The following TOLLIP variants were observed in gnomAD, a reference collection of about 807,000 sequenced individuals.
The protein encoded by TOLLIP is toll-interacting protein.
TOLLIP carries 16 observed loss-of-function variants against 33.5 expected under a neutral mutation model. The observed-to-expected ratio is 0.48, with a 90% CI of 0.32 to 0.72. The LOEUF (loss-of-function observed/expected upper bound fraction) is 0.72, where lower values mean the gene tolerates loss of function less well. TOLLIP is among the 30% of genes least tolerant of loss of function. TOLLIP has a pLI of 0.03. For missense variants in TOLLIP, 325 were observed against 396.6 expected (o/e 0.82, Z 1.53); for synonymous variants, 176 against 163.7 (o/e 1.07, Z -0.57).
At chr11:1,279,244 T>G (rs1005367085) in intron 5 of TOLLIP, among the ~76,000 whole-genome samples, 8 of 152,200 alleles carry the variant, frequency 5.3e-5, no homozygotes, top group Non-Finnish European at 1.0e-4. Flanking sequence ...CACACTCACT[T>G]GGGGAGCAGG....
At chr11:1,297,983 C>G (rs894611288) in intron 1 of TOLLIP, among the ~76,000 whole-genome samples, 2 of 152,238 alleles carry the variant, frequency 1.3e-5, no homozygotes, top group Non-Finnish European at 2.9e-5. Context: ...GAGCTCTCTC[C>G]CCGGGGGACA....
At chr11:1,293,484 C>T (rs772148346) in intron 2 of TOLLIP, among the ~76,000 whole-genome samples, 49 of 152,174 alleles carry the variant, frequency 3.2e-4, no homozygotes, top group African/African-American at 1.0e-3. Context: ...GGGGAAGCAG[C>T]GAGGGGACGC....
At position 1,278,238 on chromosome 11, in the gene TOLLIP, G is replaced by A. The variant is rs1397407474; in HGVS notation, c.611-985C>T. On this transcript the variant is annotated intron_variant, in intron 5 of 5. Coordinates refer to ENST00000317204, the MANE Select transcript of TOLLIP (RefSeq NM_019009.4). This position sits in a 1 kb window ranked among gnomAD's most constrained non-coding sequence, Gnocchi z 4.7. ...AGCACAGGCAGCGTGCGCGGGGCTC[G>A]GCGACCAGCGAGGCACAGAGCTCCT... is the stretch of plus-strand genomic sequence containing the variant. 3.9e-5 allele frequency among the ~76,000 whole-genome samples: 6 copies of A among 151,910 alleles called. No individual in the cohort carries two copies. Among genetic ancestry groups the A allele is most frequent in the Non-Finnish European group, 4.4e-5 (3 of 67,970 alleles).
At chr11:1,291,660 C>T (rs1014957890) in intron 2 of TOLLIP, among the ~76,000 whole-genome samples, 3 of 151,192 alleles carry the variant, frequency 2.0e-5, no homozygotes, top group Non-Finnish European at 4.4e-5. Context: ...CACGGCCGCC[C>T]CGTCCTCGCT....
intron 1 of TOLLIP, chr11:1,298,384 G>A (rs1422946015): frequency 2.0e-5 from 3 of 152,292 alleles, no homozygotes; most frequent in Non-Finnish European, 4.4e-5. Flanking sequence ...AAGCCAGTCG[G>A]GGGAGGGTGT....
chr11:1,299,032 C>A (rs1195289164), intron 1 of TOLLIP, among the ~76,000 whole-genome samples: 3 of 152,340 alleles, frequency 2.0e-5, no homozygotes, highest in Non-Finnish European at 2.9e-5. Context: ...CCAAATAAAA[C>A]CTGGAGCCAA....
At chr11:1,288,507 C>T in intron 4 of TOLLIP, 117 bp downstream of exon 4, 1 of 1,281,040 alleles carries the variant, frequency 7.8e-7, no homozygotes, top group Non-Finnish European at 1.1e-6. Flanking sequence ...GTGAGCCCTG[C>T]TGTTTTATGG....
At position 1,291,833 on chromosome 11, in the gene TOLLIP, G is replaced by A. The variant is rs562959840; in HGVS notation, c.184-1424C>T. ...CCGTCCTCACCGACCCACCTCTGAG[G>A]GCACGGCCGCCCCGTCCTCACCGAC... is the stretch of plus-strand genomic sequence containing the variant. On this transcript the variant is annotated intron_variant, in intron 2 of 5. Transcript: ENST00000317204. 1.6e-3 allele frequency: 253 copies of A among 158,180 alleles called. 4 individuals are homozygous for A. The highest frequency in any genetic ancestry group is 6.1e-3 in the African/African-American group (242 of 39,946). 9.8% of individuals were successfully genotyped at this position (158,180 alleles called of 1,614,324 possible).
intron 5 of TOLLIP, among the ~76,000 whole-genome samples, chr11:1,279,607 G>A (rs1863430059): frequency 6.6e-6 from 1 of 152,186 alleles, no homozygotes; most frequent in South Asian, 2.1e-4. Flanking sequence ...CATCTGCCGC[G>A]CTCAGCCCCA....
rs1311470088 is a variant in TOLLIP at position 1,276,698 on chromosome 11, G to A, written c.*341C>T. ...AATGCCATGAATGGAATCGGAAGGCGCTCCACCACCTCCAACACCCTGGCA... is the reference window on the plus strand; with the variant it reads ...AATGCCATGAATGGAATCGGAAGGCACTCCACCACCTCCAACACCCTGGCA... On this transcript the variant is annotated 3_prime_UTR_variant, in exon 6 of 6. Coordinates refer to ENST00000317204, the MANE Select transcript of TOLLIP (RefSeq NM_019009.4). 13 of 1,409,774 alleles carry A rather than the reference G, an allele frequency of 9.2e-6. No homozygotes were observed. Among genetic ancestry groups the A allele is most frequent in the Admixed American group, 4.3e-5 (2 of 46,968 alleles). 87.3% of individuals were successfully genotyped at this position (1,409,774 alleles called of 1,614,324 possible). A position where few individuals can be genotyped will look rare whatever the true frequency, so the allele number is the denominator to read the frequency against.
At position 1,292,013 on chromosome 11, in the gene TOLLIP, G is replaced by A. The variant is rs117595658; in HGVS notation, c.184-1604C>T. On this transcript the variant is annotated intron_variant, in intron 2 of 5. Coordinates refer to ENST00000317204, the MANE Select transcript of TOLLIP (RefSeq NM_019009.4). ...TTCACTTCTAATCAAAGCTGTGGCC[G>A]GTCCTTTTAGGTCAAAACTGCCCCA... The A allele has an allele frequency of 5.7e-3, 875 of 152,426 alleles. 2 individuals carry two copies. The highest frequency in any genetic ancestry group is 9.7e-3 in the Non-Finnish European group (661 of 68,090). 9.4% of individuals were successfully genotyped at this position (152,426 alleles called of 1,614,324 possible). A position where few individuals can be genotyped will look rare whatever the true frequency, so the allele number is the denominator to read the frequency against.
chr11:1,295,759 G>A lies in TOLLIP; in HGVS notation c.69C>T (p.Arg23=), dbSNP rs1354562027. Residue 23 remains arginine (R), a synonymous_variant, in exon 2 of 6, where the codon CGC becomes CGT. Coordinates refer to ENST00000317204, the MANE Select transcript of TOLLIP (RefSeq NM_019009.4). ...YIGELPQDFL[R]ITPTQQQRQV... is the part of the protein sequence containing the mutation. ...GCCGCTGCTGCTGTGTGGGCGTGAT[G>A]CGGAGGAAGTCCTGCGGGAGCTCAC... is the stretch of plus-strand genomic sequence containing the variant. 1.2e-6 allele frequency: 2 copies of A among 1,600,286 alleles called. No individual in the cohort carries two copies. The highest frequency in any genetic ancestry group is 2.2e-5 in the South Asian group (2 of 89,486).
Position 1,303,713 on chromosome 11 carries a change from G to C in TOLLIP, c.33+5753C>G, listed in dbSNP as rs1036141808. Among the ~76,000 whole-genome samples, 2 of 152,226 alleles carry C rather than the reference G, an allele frequency of 1.3e-5. No individual in the cohort carries two copies. The highest frequency in any genetic ancestry group is 2.9e-5 in the Non-Finnish European group (2 of 68,038). On this transcript the variant is annotated intron_variant, in intron 1 of 5. Transcript: ENST00000317204. This position sits in a 1 kb window ranked among gnomAD's most constrained non-coding sequence, Gnocchi z 4.2. Reference sequence around the variant, plus strand: ...GCCTAACCAGGGGCCTGTCGGGCAGGTCAAGGGACAGTGTTAGAGGCCCAG... The same window carrying C: ...GCCTAACCAGGGGCCTGTCGGGCAGCTCAAGGGACAGTGTTAGAGGCCCAG...
At chr11:1,279,192 C>T (rs901094631) in intron 5 of TOLLIP, among the ~76,000 whole-genome samples, 1 of 152,222 alleles carries the variant, frequency 6.6e-6, no homozygotes, top group Non-Finnish European at 1.5e-5. Context: ...GGGGATGTGG[C>T]GCCGACTGGC....
rs971115139 is a variant in TOLLIP at position 1,278,278 on chromosome 11, T to C, written c.611-1025A>G. 1.3e-5 allele frequency among the ~76,000 whole-genome samples: 2 copies of C among 152,062 alleles called. No homozygotes were observed. The highest frequency in any genetic ancestry group is 4.8e-5 in the African/African-American group (2 of 41,410). On this transcript the variant is annotated intron_variant, in intron 5 of 5. Coordinates refer to ENST00000317204, the MANE Select transcript of TOLLIP (RefSeq NM_019009.4). The surrounding 1 kb of genome is among the most constrained non-coding windows in gnomAD (Gnocchi z 4.7). ...ACAGAGCTCCTCCTGCAGCAGCAGC[T>C]GCAGCAGTGCAAGGGTTCACTGCTC... is the stretch of plus-strand genomic sequence containing the variant.
chr11:1,307,647 G>A (rs574050852), intron 1 of TOLLIP, among the ~76,000 whole-genome samples: 24 of 152,358 alleles, frequency 1.6e-4, no homozygotes, highest in Non-Finnish European at 3.1e-4. Flanking sequence ...CAACAGCAGG[G>A]TGCTGGTTCC....
chr11:1,287,267 T>C (rs1304984761), intron 4 of TOLLIP, among the ~76,000 whole-genome samples: 1 of 152,214 alleles, frequency 6.6e-6, no homozygotes, highest in Non-Finnish European at 1.5e-5. Flanking sequence ...AAAGCGTCTG[T>C]TAAAGACGTG....
intron 3 of TOLLIP, 79 bp from the exon 4 acceptor site, chr11:1,288,855 C>A: frequency 6.7e-7 from 1 of 1,488,418 alleles, no homozygotes; most frequent in East Asian, 2.3e-5. Context: ...ATCGTGGGCC[C>A]GCCTCGAGTC....
At position 1,284,656 on chromosome 11, in the gene TOLLIP, G is replaced by A. The variant is rs5743986; in HGVS notation, c.610+1346C>T. Among the ~76,000 whole-genome samples, 1,277 of 152,282 alleles carry A rather than the reference G, an allele frequency of 8.4e-3. 18 individuals are homozygous for A. The highest frequency in any genetic ancestry group is 0.029 in the African/African-American group (1,224 of 41,564). On this transcript the variant is annotated intron_variant, in intron 5 of 5. Transcript: ENST00000317204. ...GAGCCCCCACACCCACCCCCAGGCT[G>A]GTGGTTTTCTAAGACACTGGACACC...
Sources: allele counts gnomAD v4.1 joint callset (sites outside exome capture counted in the v4.1 genomes callset), GRCh38; gene constraint gnomAD v4.1.1; non-coding constraint Gnocchi (gnomAD v3.1); transcripts MANE v1.5; gene names NCBI Gene and HGNC (gene_info 2026-07-23, HGNC 2026-07-21).